MYO1D: variants seen among roughly 807,000 people sequenced by gnomAD.
MYO1D encodes the protein unconventional myosin-Id.
In MYO1D, 83 loss-of-function variants were observed where a neutral mutation model predicts 122.0. That is an observed-to-expected ratio of 0.68 (90% CI 0.57 to 0.82). The LOEUF is 0.82. Ranked by LOEUF, MYO1D falls within the 40% of genes least tolerant of loss-of-function variation. The probability of loss-of-function intolerance (pLI) is 0.00; values close to 1 mark genes in which losing one functional copy is unlikely to be tolerated. For synonymous variants in MYO1D, 464 were observed against 446.9 expected (o/e 1.04, Z -0.48); for missense variants, 1,157 against 1,269.5 (o/e 0.91, Z 1.35).
At position 32,778,576 on chromosome 17, in the gene MYO1D, G is replaced by A. The variant is rs755422812; in HGVS notation, c.305-3C>T. On this transcript the variant is annotated splice_region_variant and splice_polypyrimidine_tract_variant and intron_variant, in intron 2 of 21. Coordinates refer to ENST00000318217, the MANE Select transcript of MYO1D (RefSeq NM_015194.3). Reference sequence around the variant, plus strand: ...CGTTTTACCAGCTCCACTTTCCCCTGGGGGGAAAAATTGTTCAGGGCTTAA... The same window carrying A: ...CGTTTTACCAGCTCCACTTTCCCCTAGGGGGAAAAATTGTTCAGGGCTTAA... 4 of 1,609,158 alleles carry A rather than the reference G, an allele frequency of 2.5e-6. No individual in the cohort carries two copies. The African/African-American group carries it at 4.0e-5, about 16-fold the overall frequency.
chr17:32,556,967 C>G (rs1168428243), intron 21 of MYO1D, among the ~76,000 whole-genome samples: 2 of 152,022 alleles, frequency 1.3e-5, no homozygotes, highest in Admixed American at 6.6e-5. Flanking sequence ...AGAGATCTCA[C>G]ATATTTTACA....
chr17:32,791,225 A>T lies in MYO1D; in HGVS notation c.96-10441T>A, dbSNP rs73281899. Among the ~76,000 whole-genome samples, 314 of 152,086 alleles carry T rather than the reference A, an allele frequency of 2.1e-3. 2 individuals are homozygous for T. Among genetic ancestry groups the T allele is most frequent in the African/African-American group, 7.1e-3 (293 of 41,482 alleles). The stretch of plus-strand genomic sequence containing the variant: ...CCAAAAATACAAAAATTAATTGGGC[A>T]TGGTGGCACGTGCCTGTAATCTCAG... On this transcript the variant is annotated intron_variant, in intron 1 of 21. Transcript: ENST00000318217.
At chr17:32,520,356 A>C (rs1910091439) in intron 21 of MYO1D, among the ~76,000 whole-genome samples, 1 of 152,180 alleles carries the variant, frequency 6.6e-6, no homozygotes, top group Non-Finnish European at 1.5e-5. Flanking sequence ...TGGGCCCAGA[A>C]ACATCCTGTT....
At chr17:32,781,492 G>T (rs550613992) in intron 1 of MYO1D, among the ~76,000 whole-genome samples, 15 of 152,208 alleles carry the variant, frequency 9.9e-5, no homozygotes, top group Non-Finnish European at 1.6e-4. Context: ...TGAAAGGCAT[G>T]TGTATTTTTA....
rs538403275 is a variant in MYO1D at position 32,828,296 on chromosome 17, C to T, written c.96-47512G>A. ...CTTTGGGAGGCCGAGTCGGGCGGAT[C>T]ACCAGGTCAGGAGATCGAGATCATC... On this transcript the variant is annotated intron_variant, in intron 1 of 21. Transcript: ENST00000318217. Among the ~76,000 whole-genome samples the T allele has an allele frequency of 7.9e-5, 12 of 152,102 alleles. No homozygotes were observed. In the South Asian group the frequency reaches 2.3e-3, roughly 29 times the overall value.
chr17:32,835,423 C>A (rs1432785424), intron 1 of MYO1D, among the ~76,000 whole-genome samples: 2 of 152,110 alleles, frequency 1.3e-5, no homozygotes, highest in East Asian at 3.8e-4. Context: ...CTGAAAGGAC[C>A]ATGACTTAGT....
chr17:32,497,701 C>T (rs7219543), intron 21 of MYO1D: 6,000 of 152,376 alleles, frequency 0.039, 384 homozygotes, highest in African/African-American at 0.14. Context: ...AGGTCCAAGC[C>T]GATCATGCAC....
At chr17:32,612,682 C>CAA (rs1262090966) in intron 20 of MYO1D, among the ~76,000 whole-genome samples, 32 of 23,318 alleles carry the variant, frequency 1.4e-3, no homozygotes, top group Non-Finnish European at 1.7e-3. Context: ...AGACCCATCT[C>CAA]AAAAAAAAAA....
chr17:32,846,823 C>T (rs2090941479), intron 1 of MYO1D, among the ~76,000 whole-genome samples: 1 of 151,870 alleles, frequency 6.6e-6, no homozygotes, highest in Admixed American at 6.6e-5. Context: ...TTTTTTTAAA[C>T]AAAAAATTTA....
At chr17:32,554,019 G>A (rs763696657) in intron 21 of MYO1D, among the ~76,000 whole-genome samples, 26 of 151,974 alleles carry the variant, frequency 1.7e-4, no homozygotes, top group Non-Finnish European at 3.1e-4. Context: ...AGTTGTTATG[G>A]TCTAGGCTAA....
At chr17:32,702,578 C>A (rs759960892) in intron 16 of MYO1D, among the ~76,000 whole-genome samples, 7 of 152,056 alleles carry the variant, frequency 4.6e-5, no homozygotes, top group Non-Finnish European at 1.0e-4. Context: ...TCCCTCCTCG[C>A]CCCCCAGTGC....
At chr17:32,683,918 C>T (rs1349668514) in intron 16 of MYO1D, among the ~76,000 whole-genome samples, 1 of 152,120 alleles carries the variant, frequency 6.6e-6, no homozygotes, top group East Asian at 1.9e-4. Context: ...GCGTAGGACC[C>T]TCCGAGCCAG....
intron 21 of MYO1D, among the ~76,000 whole-genome samples, chr17:32,588,817 C>A (rs1044608851): frequency 4.6e-5 from 7 of 152,036 alleles, no homozygotes; most frequent in African/African-American, 1.7e-4. Context: ...GTGGTGGACA[C>A]CTGCAGTCCC....
intron 1 of MYO1D, among the ~76,000 whole-genome samples, chr17:32,804,773 A>G (rs532636986): frequency 1.8e-4 from 28 of 152,298 alleles, no homozygotes; most frequent in South Asian, 4.1e-4. Flanking sequence ...GTAAGGAAAT[A>G]AAGAGTTTAG....
At chr17:32,527,987 C>T (rs1469328124) in intron 21 of MYO1D, among the ~76,000 whole-genome samples, 1 of 152,108 alleles carries the variant, frequency 6.6e-6, no homozygotes. Flanking sequence ...TACAGGCGCC[C>T]GCCACCAGGC....
chr17:32,806,228 AGTCTGGGT>A (rs2090511173), intron 1 of MYO1D, among the ~76,000 whole-genome samples: 1 of 152,232 alleles, frequency 6.6e-6, no homozygotes, highest in South Asian at 2.1e-4. Context: ...ACTGCACTCC[AGTCTGGGT>A]GACAGAGCGA....
intron 5 of MYO1D, 135 bp from the exon 6 acceptor site, chr17:32,771,355 G>A (rs1004540829): frequency 4.8e-5 from 28 of 586,814 alleles, no homozygotes; most frequent in Non-Finnish European, 5.1e-5. Context: ...TTGAAGTTTT[G>A]CTTGTTTGTT....
intron 11 of MYO1D, among the ~76,000 whole-genome samples, chr17:32,754,385 C>A (rs2089926615): frequency 6.6e-6 from 1 of 152,088 alleles, no homozygotes; most frequent in South Asian, 2.1e-4. Flanking sequence ...AACCCAAAAC[C>A]CTAACATGAA....
At chr17:32,675,761 G>T (rs1430748119) in intron 16 of MYO1D, among the ~76,000 whole-genome samples, 1 of 151,986 alleles carries the variant, frequency 6.6e-6, no homozygotes, top group Non-Finnish European at 1.5e-5. Flanking sequence ...TTTGTTTTCA[G>T]TATGTTGATG....
Sources: gnomAD v4.1 joint callset for allele counts (sites outside exome capture counted in the v4.1 genomes callset) on GRCh38, gnomAD v4.1.1 for gene constraint, MANE v1.5 for transcripts, NCBI Gene and HGNC (gene_info 2026-07-23, HGNC 2026-07-21) for gene names.